The following AGBL4 variants were observed in gnomAD, a reference collection of about 807,000 sequenced individuals.
AGBL4 encodes cytosolic carboxypeptidase 6.
In AGBL4, 58 loss-of-function variants were observed where a neutral mutation model predicts 66.4. That is an observed-to-expected ratio of 0.87 (90% confidence interval 0.71 to 1.09). The LOEUF (loss-of-function observed/expected upper bound fraction) is 1.09, where lower values mean the gene tolerates loss of function less well. Among genes scored for constraint, AGBL4 ranks in the 50% least tolerant of loss-of-function variants. The pLI is 0.00. For missense variants in AGBL4, 579 were observed against 631.0 expected, an observed-to-expected ratio of 0.92 and a Z score of 0.88; for synonymous variants, 234 against 222.9, an observed-to-expected ratio of 1.05 and a Z score of -0.44.
chr1:48,936,968 G>T (rs895180322), intron 5 of AGBL4, among the ~76,000 whole-genome samples: 2 of 152,136 alleles, frequency 1.3e-5, no homozygotes, highest in African/African-American at 4.8e-5. Flanking sequence ...TACCCATGAA[G>T]AACTTTGTCC....
intron 8 of AGBL4, among the ~76,000 whole-genome samples, chr1:48,642,891 G>A (rs1645780127): frequency 6.6e-6 from 1 of 152,164 alleles, no homozygotes; most frequent in Non-Finnish European, 1.5e-5. Flanking sequence ...GCCTGAGAAT[G>A]GCTCTGAGTC....
intron 4 of AGBL4, among the ~76,000 whole-genome samples, chr1:49,241,737 A>G (rs1266589424): frequency 6.6e-6 from 1 of 152,004 alleles, no homozygotes; most frequent in Non-Finnish European, 1.5e-5. Context: ...AAGAAGAAAT[A>G]ATACTCAATC....
intron 2 of AGBL4, among the ~76,000 whole-genome samples, chr1:49,702,244 GCA>G (rs1647109222): frequency 6.6e-6 from 1 of 152,138 alleles, no homozygotes; most frequent in Non-Finnish European, 1.5e-5. Context: ...TGTAATCCCA[GCA>G]CTTTGGGAGG....
At chr1:48,560,566 C>CA (rs1234810928) in intron 11 of AGBL4, among the ~76,000 whole-genome samples, 1 of 152,214 alleles carries the variant, frequency 6.6e-6, no homozygotes, top group East Asian at 1.9e-4. Context: ...GTACTTGAAT[C>CA]AAAAAATCCC....
chr1:48,759,030 C>T, intron 6 of AGBL4: 1 of 1,614,018 alleles, frequency 6.2e-7, no homozygotes, highest in Non-Finnish European at 8.5e-7. Context: ...TCCGAGTCCG[C>T]TCCAGCTCCT....
chr1:48,893,515 A>G (rs1191930658), intron 5 of AGBL4, among the ~76,000 whole-genome samples: 1 of 151,616 alleles, frequency 6.6e-6, no homozygotes, highest in Non-Finnish European at 1.5e-5. Flanking sequence ...CCCCGTCTCT[A>G]CTAAAAATAC....
intron 5 of AGBL4, among the ~76,000 whole-genome samples, chr1:48,996,574 A>G (rs1486976979): frequency 2.0e-5 from 3 of 152,208 alleles, no homozygotes; most frequent in Non-Finnish European, 4.4e-5. Context: ...ATGAGATCCA[A>G]TAACATGAAA....
chr1:49,719,419 C>CT (rs995891163), intron 2 of AGBL4, among the ~76,000 whole-genome samples: 13 of 152,232 alleles, frequency 8.5e-5, no homozygotes, highest in African/African-American at 3.1e-4. Context: ...CAAATGGTGC[C>CT]TGCCTCCCCA....
At chr1:48,529,244 T>A (rs925980546), downstream of AGBL4, among the ~76,000 whole-genome samples, 2 of 151,982 alleles carry the variant, frequency 1.3e-5, no homozygotes, top group African/African-American at 4.8e-5. Flanking sequence ...GCATTTGTAC[T>A]TCTGTCTGTA....
intron 3 of AGBL4, among the ~76,000 whole-genome samples, chr1:49,368,296 A>G (rs1218985643): frequency 6.6e-6 from 1 of 152,208 alleles, no homozygotes; most frequent in African/African-American, 2.4e-5. Flanking sequence ...TCACTGGGAA[A>G]TATGGAATTT....
chr1:49,351,476 T>C (rs888445663), intron 3 of AGBL4, among the ~76,000 whole-genome samples: 3 of 151,892 alleles, frequency 2.0e-5, no homozygotes, highest in Non-Finnish European at 4.4e-5. Flanking sequence ...TATATATGAA[T>C]AAACCATGGA....
intron 4 of AGBL4, among the ~76,000 whole-genome samples, chr1:49,138,142 T>C (rs1459098692): frequency 6.6e-6 from 1 of 152,094 alleles, no homozygotes; most frequent in Non-Finnish European, 1.5e-5. Context: ...TGTACTAGTA[T>C]ACCAGAGCCA....
chr1:49,845,282 C>A (rs1326577830), intron 2 of AGBL4: 2 of 1,557,174 alleles, frequency 1.3e-6, no homozygotes, highest in Non-Finnish European at 1.8e-6. Flanking sequence ...AACCAAATTG[C>A]CCCACTGATC....
chr1:49,988,435 T>C (rs1428657017), intron 1 of AGBL4, among the ~76,000 whole-genome samples: 1 of 152,156 alleles, frequency 6.6e-6, no homozygotes, highest in Non-Finnish European at 1.5e-5. Flanking sequence ...TACCCAGGGC[T>C]TTGCAGAGCT....
At chr1:48,910,515 G>GC (rs1406771145) in intron 5 of AGBL4, among the ~76,000 whole-genome samples, 1 of 151,954 alleles carries the variant, frequency 6.6e-6, no homozygotes, top group Non-Finnish European at 1.5e-5. Flanking sequence ...AAATATGCAG[G>GC]CCCCCCAAGA....
intron 5 of AGBL4, among the ~76,000 whole-genome samples, chr1:48,983,971 A>T (rs1659972098): frequency 6.6e-6 from 1 of 152,154 alleles, no homozygotes; most frequent in Non-Finnish European, 1.5e-5. Flanking sequence ...CACAGCAAGG[A>T]AGGACTGAGG....
At chr1:49,271,750 A>G (rs892423061) in intron 3 of AGBL4, among the ~76,000 whole-genome samples, 1 of 151,864 alleles carries the variant, frequency 6.6e-6, no homozygotes, top group Non-Finnish European at 1.5e-5. Flanking sequence ...TACATAAAAA[A>G]TCTAAAAGAG....
At chr1:49,130,140 T>C (rs1024174124) in intron 4 of AGBL4, among the ~76,000 whole-genome samples, 11 of 152,286 alleles carry the variant, frequency 7.2e-5, no homozygotes, top group African/African-American at 1.7e-4. Context: ...TCATGTCCTT[T>C]GCCCACTTTT....
At chr1:49,011,355 G>A (rs1178790270) in intron 5 of AGBL4, among the ~76,000 whole-genome samples, 2 of 151,476 alleles carry the variant, frequency 1.3e-5, no homozygotes, top group East Asian at 1.9e-4. Flanking sequence ...CAGTTAGAAT[G>A]GCAATCATTA....
Sources: gnomAD v4.1 joint callset for allele counts (sites outside exome capture counted in the v4.1 genomes callset) on GRCh38, gnomAD v4.1.1 for gene constraint, MANE v1.5 for transcripts, NCBI Gene and HGNC (gene_info 2026-07-23, HGNC 2026-07-21) for gene names.